Variants in TCF12 observed in about 807,000 individuals in gnomAD.
The protein encoded by TCF12 is DNA-binding protein HTF4.
A neutral mutation model predicts 86.0 loss-of-function variants in TCF12; 45 were observed. The ratio of observed to expected loss-of-function variants is 0.52; its 90% CI spans 0.41 to 0.67. TCF12 has a LOEUF of 0.67. Ranked by LOEUF, TCF12 falls within the 30% of genes least tolerant of loss-of-function variation. The pLI is 0.00. For missense variants in TCF12, 881 were observed against 859.9 expected (o/e 1.02, Z -0.31); for synonymous variants, 330 against 299.6 (o/e 1.10, Z -1.05).
intron 3 of TCF12, among the ~76,000 whole-genome samples, chr15:56,995,875 G>A (rs151187994): frequency 6.6e-6 from 1 of 152,128 alleles, no homozygotes. Flanking sequence ...TTCTCAAGGG[G>A]AATGCTTCCA....
chr15:57,146,373 A>G (rs1247289771), intron 5 of TCF12, among the ~76,000 whole-genome samples: 1 of 152,210 alleles, frequency 6.6e-6, no homozygotes, highest in African/African-American at 2.4e-5. Flanking sequence ...AGATATACAA[A>G]TTTGTTACAT....
chr15:56,997,434 A>G (rs934900910), intron 3 of TCF12, among the ~76,000 whole-genome samples: 11 of 152,202 alleles, frequency 7.2e-5, no homozygotes, highest in Non-Finnish European at 2.9e-5. Flanking sequence ...ACACATGGTC[A>G]TAAATGAGAA....
intron 18 of TCF12, among the ~76,000 whole-genome samples, chr15:57,272,199 G>A (rs1330220089): frequency 1.3e-5 from 2 of 152,150 alleles, no homozygotes; most frequent in East Asian, 3.8e-4. Flanking sequence ...ATCCCAATAT[G>A]TTGCTAATGT....
rs779831473 is a variant in TCF12 at position 57,243,424 on chromosome 15, T to C, written c.1036-48T>C. The C allele has an allele frequency of 4.1e-6, 6 of 1,471,976 alleles. No individual in the cohort carries two copies. The East Asian group carries it at 1.4e-4, about 33-fold the overall frequency. 91.2% of individuals were successfully genotyped at this position (1,471,976 alleles called of 1,614,324 possible). ...CTCCATGTGAACGGATTTGTGTATG[T>C]GCTGTTGTCACATGTTGATACATGT... On this transcript the variant is annotated intron_variant, in intron 12 of 20. Coordinates refer to ENST00000333725, the MANE Select transcript of TCF12 (RefSeq NM_207037.2).
intron 8 of TCF12, among the ~76,000 whole-genome samples, chr15:57,228,749 A>G (rs2058999394): frequency 1.6e-5 from 2 of 128,938 alleles, no homozygotes; most frequent in South Asian, 2.6e-4. Context: ...TAAAAATGTA[A>G]GTATATTAGT....
At chr15:56,947,245 A>G (rs1380107522) in intron 3 of TCF12, among the ~76,000 whole-genome samples, 2 of 152,200 alleles carry the variant, frequency 1.3e-5, no homozygotes, top group East Asian at 3.9e-4. Flanking sequence ...AGCTCTGGGA[A>G]TTGTTGAATT....
chr15:57,059,803 CAAAAAAAA>C (rs10717631), intron 3 of TCF12, among the ~76,000 whole-genome samples: 4 of 94,238 alleles, frequency 4.2e-5, no homozygotes, highest in South Asian at 3.7e-4. Flanking sequence ...CTCCTCCCAC[CAAAAAAAA>C]AAAAAAAAAA....
In TCF12 at chr15:57,286,283, A is replaced by C. The variant is rs1158563512; in HGVS notation, c.*138A>C. 1 of 194,808 alleles carries C rather than the reference A, an allele frequency of 5.1e-6. No homozygotes were observed. The highest frequency in any genetic ancestry group is 1.1e-5 in the Non-Finnish European group (1 of 93,358). The allele number at this position is 194,808 out of a possible 1,614,324, so 12.1% of individuals were successfully genotyped here. ...AAAAACAAAACACTTGAACCAAGAAACTCAAATGTAATCCTACGATCAAAG... is the reference window on the plus strand; with the variant it reads ...AAAAACAAAACACTTGAACCAAGAACCTCAAATGTAATCCTACGATCAAAG... On this transcript the variant is annotated 3_prime_UTR_variant, in exon 21 of 21. Coordinates refer to ENST00000333725, the MANE Select transcript of TCF12 (RefSeq NM_207037.2).
intron 9 of TCF12, among the ~76,000 whole-genome samples, chr15:57,231,690 A>G (rs2059147337): frequency 6.6e-6 from 1 of 152,180 alleles, no homozygotes; most frequent in Admixed American, 6.5e-5. Context: ...CCTTTAATTC[A>G]TGTCTAGCAA....
At chr15:56,995,987 A>G (rs574784840) in intron 3 of TCF12, among the ~76,000 whole-genome samples, 1 of 152,260 alleles carries the variant, frequency 6.6e-6, no homozygotes, top group East Asian at 1.9e-4. Context: ...GAGGGTTTTT[A>G]TCATGAAGAA....
At chr15:57,015,714 ACT>A (rs1321176570) in intron 3 of TCF12, among the ~76,000 whole-genome samples, 1 of 152,000 alleles carries the variant, frequency 6.6e-6, no homozygotes, top group Non-Finnish European at 1.5e-5. Context: ...GGACTTAGAG[ACT>A]CAGTTATTTG....
chr15:57,001,771 G>C (rs1392379699), intron 3 of TCF12, among the ~76,000 whole-genome samples: 1 of 151,930 alleles, frequency 6.6e-6, no homozygotes. Flanking sequence ...ACATATTTTC[G>C]AGTGACTGGT....
intron 3 of TCF12, among the ~76,000 whole-genome samples, chr15:56,954,701 C>T (rs1338779501): frequency 6.6e-6 from 1 of 152,150 alleles, no homozygotes; most frequent in Non-Finnish European, 1.5e-5. Flanking sequence ...CCAGAATCTA[C>T]AAGGAACTCA....
chr15:56,975,394 A>G (rs1304735705), intron 3 of TCF12, among the ~76,000 whole-genome samples: 1 of 152,178 alleles, frequency 6.6e-6, no homozygotes, highest in Non-Finnish European at 1.5e-5. Context: ...TAAACTTTCT[A>G]TACAATGGCA....
intron 5 of TCF12, among the ~76,000 whole-genome samples, chr15:57,100,348 T>G (rs1192420684): frequency 1.3e-5 from 2 of 152,194 alleles, no homozygotes; most frequent in Non-Finnish European, 2.9e-5. Context: ...GGACACTGTT[T>G]TGATTTAAGA....
intron 5 of TCF12, among the ~76,000 whole-genome samples, chr15:57,093,353 T>C (rs906455533): frequency 5.3e-5 from 8 of 152,222 alleles, no homozygotes; most frequent in Non-Finnish European, 1.5e-5. Context: ...TTAAGTGTAG[T>C]AGGGCAAGTA....
At chr15:57,107,618 G>A (rs2050221951) in intron 5 of TCF12, among the ~76,000 whole-genome samples, 1 of 152,134 alleles carries the variant, frequency 6.6e-6, no homozygotes, top group South Asian at 2.1e-4. Flanking sequence ...AGGCATGGTG[G>A]CTCACACCTG....
intron 6 of TCF12, among the ~76,000 whole-genome samples, chr15:57,183,705 G>A (rs575465636): frequency 2.0e-5 from 3 of 152,128 alleles, no homozygotes; most frequent in South Asian, 2.1e-4. Context: ...TGAGTTTTTT[G>A]TATTAACTAG....
At chr15:57,157,560 T>G (rs1274194325) in intron 5 of TCF12, among the ~76,000 whole-genome samples, 59 of 151,768 alleles carry the variant, frequency 3.9e-4, no homozygotes, top group Non-Finnish European at 1.2e-4. Flanking sequence ...CTTCTTTTTT[T>G]TTTTTTTTTC....
Sources: gnomAD v4.1 joint callset for allele counts (sites outside exome capture counted in the v4.1 genomes callset) on GRCh38, gnomAD v4.1.1 for gene constraint, MANE v1.5 for transcripts, NCBI Gene and HGNC (gene_info 2026-07-23, HGNC 2026-07-21) for gene names.